The following DHDDS variants were observed in gnomAD, a reference collection of about 807,000 sequenced individuals.
DHDDS encodes the protein dehydrodolichyl diphosphate synthase subunit.
A neutral mutation model predicts 46.2 loss-of-function variants in DHDDS; 16 were observed. That is an observed-to-expected ratio of 0.35 (90% CI 0.23 to 0.53). The LOEUF (loss-of-function observed/expected upper bound fraction) is 0.53. Ranked by LOEUF, DHDDS falls within the 20% of genes least tolerant of loss-of-function variation. The pLI, the probability that DHDDS is intolerant of heterozygous loss-of-function variation, is 0.94. For missense variants in DHDDS, 340 were observed against 423.7 expected, an observed-to-expected ratio of 0.80 and a Z score of 1.73; for synonymous variants, 151 against 163.1, an observed-to-expected ratio of 0.93 and a Z score of 0.56.
chr1:26,435,653 C>T (rs1336189015), intron 2 of DHDDS, among the ~76,000 whole-genome samples: 2 of 151,318 alleles, frequency 1.3e-5, no homozygotes, highest in Admixed American at 1.3e-4. Context: ...CTTGCTCTGT[C>T]GCCCAGGCTG....
chr1:26,439,723 C>T (rs1025370550), intron 3 of DHDDS, among the ~76,000 whole-genome samples: 15 of 152,066 alleles, frequency 9.9e-5, no homozygotes, highest in Non-Finnish European at 1.8e-4. Flanking sequence ...TGAAAGTCCC[C>T]GGCAAACCAG....
chr1:26,449,192 A>T (rs1469600469), intron 6 of DHDDS, among the ~76,000 whole-genome samples: 1 of 151,156 alleles, frequency 6.6e-6, no homozygotes, highest in African/African-American at 2.4e-5. Context: ...TCCGCTTCCC[A>T]GGTTCCAGCA....
intron 3 of DHDDS, 51 bp from the exon 4 acceptor site, chr1:26,442,680 C>T: frequency 1.9e-6 from 3 of 1,610,394 alleles, no homozygotes; most frequent in Non-Finnish European, 2.5e-6. Flanking sequence ...TCTCTTATTT[C>T]CCCTTCCCAC....
intron 2 of DHDDS, among the ~76,000 whole-genome samples, chr1:26,435,830 G>T (rs1210479218): frequency 6.6e-6 from 1 of 151,986 alleles, no homozygotes; most frequent in African/African-American, 2.4e-5. Context: ...GGCCAGCCTG[G>T]TCTTGAATTC....
At chr1:26,462,801 C>G (rs544557128) in intron 8 of DHDDS, 1 of 152,172 alleles carries the variant, frequency 6.6e-6, no homozygotes, top group African/African-American at 2.4e-5. Context: ...GAATCAGGCA[C>G]TGTATTAGGC....
intron 8 of DHDDS, among the ~76,000 whole-genome samples, chr1:26,467,975 G>A (rs1329674596): frequency 6.6e-6 from 1 of 152,196 alleles, no homozygotes; most frequent in Non-Finnish European, 1.5e-5. Context: ...TGTTTCACAT[G>A]TACAGGGCAC....
At chr1:26,436,242 T>TA (rs1451811206) in intron 2 of DHDDS, among the ~76,000 whole-genome samples, 1 of 151,938 alleles carries the variant, frequency 6.6e-6, no homozygotes, top group African/African-American at 2.4e-5. Context: ...CTACAAAATA[T>TA]AAAAAAATTA....
At chr1:26,433,202 TTTC>T in intron 2 of DHDDS, 194 bp downstream of exon 2, 3 of 648,146 alleles carry the variant, frequency 4.6e-6, no homozygotes, top group Non-Finnish European at 8.1e-6. Context: ...ACTCTGATAT[TTTC>T]TGGAAGCCCA....
Position 26,440,434 on chromosome 1 carries a change from T to A in DHDDS, c.180+2150T>A, listed in dbSNP as rs544849510. Among the ~76,000 whole-genome samples the A allele has an allele frequency of 5.9e-5, 9 of 152,356 alleles. No individual in the cohort carries two copies. The South Asian group carries it at 1.7e-3, about 28-fold the overall frequency. ...TGGCTTTGTGACCTGCAGCGAGTTA[T>A]GTAGCTTCCCTTTGCCTCAGTTTCT... On this transcript the variant is annotated intron_variant, in intron 3 of 8. Transcript: ENST00000236342.
intron 2 of DHDDS, among the ~76,000 whole-genome samples, chr1:26,434,963 A>T (rs1475799989): frequency 2.7e-5 from 4 of 150,314 alleles, no homozygotes. Context: ...GTCCGGCCCC[A>T]AGTAAGTTTT....
In DHDDS at chr1:26,469,938, T is replaced by C. The variant is rs1240830613; in HGVS notation, c.*807T>C. ...AACTGAATCCAGCACAGGCCTCCCC[T>C]GTAACACAACAGGACTGAGCAGAAC... On this transcript the variant is annotated 3_prime_UTR_variant, in exon 9 of 9. Transcript: ENST00000236342. 2 of 153,526 alleles carry C rather than the reference T, an allele frequency of 1.3e-5. No homozygotes were observed. Among genetic ancestry groups the C allele is most frequent in the African/African-American group, 4.8e-5 (2 of 41,446 alleles). The allele number at this position is 153,526 out of a possible 1,614,324, so 9.5% of individuals were successfully genotyped here.
chr1:26,469,186 C>A lies in DHDDS; in HGVS notation c.*55C>A, dbSNP rs1057515504. 1 of 1,609,154 alleles carries A rather than the reference C, an allele frequency of 6.2e-7. No individual in the cohort carries two copies. Among genetic ancestry groups the A allele is most frequent in the African/African-American group, 1.3e-5 (1 of 74,878 alleles). On this transcript the variant is annotated 3_prime_UTR_variant, in exon 9 of 9. Coordinates refer to ENST00000236342, the MANE Select transcript of DHDDS (RefSeq NM_205861.3). The stretch of plus-strand genomic sequence containing the variant: ...GCCCTCTGCCTCCAGGGCTCCACTC[C>A]CCTTCCTTTTCTTGGTGAAAGGCAC...
At chr1:26,450,623 G>A (rs1349411718) in intron 6 of DHDDS, among the ~76,000 whole-genome samples, 1 of 152,178 alleles carries the variant, frequency 6.6e-6, no homozygotes, top group African/African-American at 2.4e-5. Flanking sequence ...GTTTGTTGGT[G>A]CAAGTTGGGA....
rs566134372 is a variant in DHDDS, at chr1:26,465,400, C to G, written c.766-3495C>G. ...GGAAATGGGGTCTCGCCATGTTGCCCAGGCTGGTCTTGAGCAGCTGGGCTC... is the reference window on the plus strand; with the variant it reads ...GGAAATGGGGTCTCGCCATGTTGCCGAGGCTGGTCTTGAGCAGCTGGGCTC... On this transcript the variant is annotated intron_variant, in intron 8 of 8. Transcript: ENST00000236342. Among the ~76,000 whole-genome samples the G allele has an allele frequency of 3.3e-5, 5 of 152,294 alleles. No homozygotes were observed. The South Asian group carries it at 1.0e-3, about 32-fold the overall frequency.
At chr1:26,441,618 G>A (rs977804888) in intron 3 of DHDDS, among the ~76,000 whole-genome samples, 4 of 151,972 alleles carry the variant, frequency 2.6e-5, no homozygotes, top group South Asian at 2.1e-4. Flanking sequence ...ATTTCCTGCC[G>A]GGCTCAGTAG....
At chr1:26,467,544 T>TGTC in intron 8 of DHDDS, 1 of 329,292 alleles carries the variant, frequency 3.0e-6, no homozygotes, top group Non-Finnish European at 6.5e-6. Context: ...CCCTGCTCCA[T>TGTC]GTCTGTCTCC....
intron 1 of DHDDS, 59 bp downstream of exon 1, chr1:26,432,435 C>T (rs986315316): frequency 1.2e-5 from 2 of 167,956 alleles, no homozygotes; most frequent in African/African-American, 4.8e-5. Flanking sequence ...CGGGGAGCAG[C>T]TGCGGGAGAA....
In DHDDS at chr1:26,449,494, G is replaced by A. The variant is rs540242055; in HGVS notation, c.542+1834G>A. Among the ~76,000 whole-genome samples the A allele has an allele frequency of 7.3e-5, 11 of 151,650 alleles. No individual in the cohort carries two copies. The South Asian group carries it at 1.7e-3, about 23-fold the overall frequency. The stretch of plus-strand genomic sequence containing the variant: ...CGGCCCACTGTAGTCTGTGCCTCCC[G>A]GGCCCAAGCAGTCCTCCCACTTCAG... On this transcript the variant is annotated intron_variant, in intron 6 of 8. Transcript: ENST00000236342.
intron 7 of DHDDS, 127 bp from the exon 8 acceptor site, chr1:26,459,910 A>G (rs1184591773): frequency 2.6e-6 from 2 of 780,168 alleles, no homozygotes; most frequent in African/African-American, 3.4e-5. Context: ...ACAGCTCAGG[A>G]TGCCTGTAAC....
Sources: allele counts gnomAD v4.1 joint callset (sites outside exome capture counted in the v4.1 genomes callset), GRCh38; gene constraint gnomAD v4.1.1; transcripts MANE v1.5; gene names NCBI Gene and HGNC (gene_info 2026-07-23, HGNC 2026-07-21).